Variants in KIF9 observed in about 807,000 individuals in gnomAD.
KIF9 encodes the protein kinesin family member 9, also known as kinesin-like protein KIF9.
Under a neutral mutation model 94.8 loss-of-function variants are expected in KIF9, and 68 were observed. The ratio of observed to expected loss-of-function variants is 0.72; its 90% CI spans 0.59 to 0.88. KIF9 has a LOEUF of 0.88. Among genes scored for constraint, KIF9 ranks in the 40% least tolerant of loss-of-function variants. The probability of loss-of-function intolerance (pLI) is 0.00; values close to 1 mark genes in which losing one functional copy is unlikely to be tolerated. For missense variants in KIF9, 882 were observed against 982.5 expected (o/e 0.90, Z 1.37); for synonymous variants, 343 against 362.1 (o/e 0.95, Z 0.60).
chr3:47,277,205 G>T, intron 2 of KIF9, 77 bp downstream of exon 2: 1 of 1,063,930 alleles, frequency 9.4e-7, no homozygotes, highest in Non-Finnish European at 1.4e-6. Context: ...TTCAAAGGTT[G>T]CTTGGAAATA....
Position 47,246,216 on chromosome 3 carries a change from G to T in KIF9, c.1270C>A (p.Gln424Lys). ...TCTCACCTCAGAACCACCCGGAACT[G>T]GTTGAACACCTCCTTGATCTGTCTA... ...SLRQIKEVFN[Q>K]FRVVLSQQEQ... Residue 424 changes from glutamine to lysine, a missense_variant, in exon 13 of 21, where the codon CAG becomes AAG. Coordinates refer to ENST00000684063, the MANE Select transcript of KIF9 (RefSeq NM_182902.4). 6.2e-7 allele frequency: 1 copy of T among 1,613,694 alleles called. No individual in the cohort carries two copies. Among genetic ancestry groups the T allele is most frequent in the Non-Finnish European group, 8.5e-7 (1 of 1,179,780 alleles).
intron 17 of KIF9, chr3:47,239,649 G>A (rs921141495): frequency 1.8e-5 from 19 of 1,059,928 alleles, no homozygotes; most frequent in African/African-American, 1.3e-4. Context: ...GTGCAGTGGC[G>A]CAATCTTGCC....
At chr3:47,262,564 C>T (rs890675770) in intron 9 of KIF9, among the ~76,000 whole-genome samples, 7 of 152,188 alleles carry the variant, frequency 4.6e-5, no homozygotes, top group Admixed American at 3.9e-4. Context: ...TGAGCCATTA[C>T]ACCTGGCCTC....
At chr3:47,247,720 T>C (rs1700015914) in intron 11 of KIF9, among the ~76,000 whole-genome samples, 3 of 152,274 alleles carry the variant, frequency 2.0e-5, no homozygotes, top group African/African-American at 7.2e-5. Context: ...TGGGTCCTGC[T>C]ACTCCAGACA....
intron 9 of KIF9, among the ~76,000 whole-genome samples, chr3:47,260,101 G>A (rs1200292071): frequency 2.3e-5 from 3 of 129,462 alleles, no homozygotes; most frequent in Non-Finnish European, 4.8e-5. Flanking sequence ...ACTGAGATAG[G>A]GAAAAACCGC....
intron 9 of KIF9, among the ~76,000 whole-genome samples, chr3:47,258,832 A>C (rs1700779724): frequency 6.6e-6 from 1 of 152,206 alleles, no homozygotes; most frequent in African/African-American, 2.4e-5. Context: ...ACCCAGTCTC[A>C]GGTGTGAGAA....
intron 10 of KIF9, among the ~76,000 whole-genome samples, chr3:47,254,602 T>C (rs901882374): frequency 5.3e-5 from 8 of 152,132 alleles, no homozygotes; most frequent in Non-Finnish European, 8.8e-5. Flanking sequence ...CATAGGGAGA[T>C]TGTCTCACAC....
chr3:47,279,000 AAAAT>A (rs1482544183), intron 1 of KIF9, among the ~76,000 whole-genome samples: 2 of 151,938 alleles, frequency 1.3e-5, no homozygotes, highest in East Asian at 1.9e-4. Context: ...ATAAATAAAT[AAAAT>A]AAATAAATTA....
At chr3:47,260,724 C>A (rs1700914537) in intron 9 of KIF9, among the ~76,000 whole-genome samples, 1 of 152,230 alleles carries the variant, frequency 6.6e-6, no homozygotes, top group African/African-American at 2.4e-5. Context: ...CACAGGAATT[C>A]AACTCAGGCA....
intron 14 of KIF9, 68 bp downstream of exon 14, chr3:47,245,353 G>C: frequency 8.7e-7 from 1 of 1,155,704 alleles, no homozygotes; most frequent in Non-Finnish European, 1.3e-6. Flanking sequence ...AATACTTGCT[G>C]GCTCTGCAAA....
chr3:47,251,649 A>G (rs1700279603), intron 10 of KIF9, among the ~76,000 whole-genome samples: 1 of 152,230 alleles, frequency 6.6e-6, no homozygotes, highest in Admixed American at 6.5e-5. Context: ...GTTTCCTAAT[A>G]GGCATTTTCA....
intron 1 of KIF9, chr3:47,281,084 G>A: frequency 1.4e-6 from 1 of 701,066 alleles, no homozygotes; most frequent in African/African-American, 1.7e-5. Flanking sequence ...AATGTCCAGG[G>A]CAGAGCCCAG....
At chr3:47,251,383 T>C (rs1700260482) in intron 10 of KIF9, among the ~76,000 whole-genome samples, 1 of 152,124 alleles carries the variant, frequency 6.6e-6, no homozygotes, top group Non-Finnish European at 1.5e-5. Flanking sequence ...CTGGCCAACA[T>C]GGTGAAACCC....
chr3:47,242,844 C>T (rs1431792774), intron 16 of KIF9: 4 of 408,058 alleles, frequency 9.8e-6, no homozygotes, highest in Non-Finnish European at 1.7e-5. Flanking sequence ...AAAATGATTC[C>T]ATGTTTAATT....
intron 9 of KIF9, among the ~76,000 whole-genome samples, chr3:47,258,544 C>T (rs1700760563): frequency 6.6e-6 from 1 of 152,148 alleles, no homozygotes; most frequent in Non-Finnish European, 1.5e-5. Context: ...GGAGGTGGGG[C>T]CTGGTGGGAG....
intron 10 of KIF9, among the ~76,000 whole-genome samples, chr3:47,253,785 C>T (rs1377961854): frequency 6.6e-6 from 1 of 152,102 alleles, no homozygotes; most frequent in Non-Finnish European, 1.5e-5. Flanking sequence ...TAGCTACTCC[C>T]CTGTTAAAGG....
In KIF9 at chr3:47,247,456, A is replaced by G; in HGVS notation, c.1150T>C (p.Tyr384His). ...ATCTGGATTTCATCCATGGGGTCATAGGTCACAAAGGTGCGGTTGGTCTTG... is the reference window on the plus strand; with the variant it reads ...ATCTGGATTTCATCCATGGGGTCATGGGTCACAAAGGTGCGGTTGGTCTTG... ...DSLTNRTFVT[Y>H]DPMDEIQIAE... Residue 384 changes from tyrosine to histidine, a missense_variant, in exon 12 of 21, where the codon TAT (tyrosine) becomes CAT (histidine). Coordinates refer to ENST00000684063, the MANE Select transcript of KIF9 (RefSeq NM_182902.4). The G allele has an allele frequency of 6.2e-7, 1 of 1,613,528 alleles. No homozygotes were observed. The highest frequency in any genetic ancestry group is 8.5e-7 in the Non-Finnish European group (1 of 1,179,478).
chr3:47,247,682 C>T (rs776262764), intron 11 of KIF9, among the ~76,000 whole-genome samples: 2 of 152,102 alleles, frequency 1.3e-5, no homozygotes, highest in South Asian at 2.1e-4. Context: ...ATAATGGGGT[C>T]GGGGAGGAAA....
At chr3:47,232,883 G>A (rs1425394653) in intron 20 of KIF9, among the ~76,000 whole-genome samples, 2 of 151,184 alleles carry the variant, frequency 1.3e-5, no homozygotes, top group Non-Finnish European at 2.9e-5. Flanking sequence ...TCAGGAGGCT[G>A]AGGCAGGAGA....
Sources: gnomAD v4.1 joint callset for allele counts (sites outside exome capture counted in the v4.1 genomes callset) on GRCh38, gnomAD v4.1.1 for gene constraint, MANE v1.5 for transcripts, NCBI Gene and HGNC (gene_info 2026-07-23, HGNC 2026-07-21) for gene names.